GAREM1: variants seen among roughly 807,000 people sequenced by gnomAD.
GAREM1 encodes GRB2-associated and regulator of MAPK protein 1.
A neutral mutation model predicts 71.3 loss-of-function variants in GAREM1; 26 were observed. The observed-to-expected ratio is 0.36, with a 90% CI of 0.27 to 0.51. The LOEUF (loss-of-function observed/expected upper bound fraction) is 0.51. Ranked by LOEUF, GAREM1 falls within the 20% of genes least tolerant of loss-of-function variation. The probability of loss-of-function intolerance (pLI) is 0.95; values close to 1 mark genes in which losing one functional copy is unlikely to be tolerated. For missense variants in GAREM1, 1,026 were observed against 1,103.1 expected (o/e 0.93, Z 0.99); for synonymous variants, 440 against 433.2 (o/e 1.02, Z -0.20).
Position 32,363,995 on chromosome 18 carries a change from CATATAT to C in GAREM1, c.262+28894_262+28899del, listed in dbSNP as rs766095412. Among the ~76,000 whole-genome samples, 141 of 21,336 alleles carry C rather than the reference CATATAT, an allele frequency of 6.6e-3. 3 individuals are homozygous for C. Among genetic ancestry groups the C allele is most frequent in the East Asian group, 0.042 (15 of 360 alleles). 14.0% of individuals were successfully genotyped at this position (21,336 alleles called of 152,430 possible). On this transcript the variant is annotated intron_variant, in intron 2 of 5. Transcript: ENST00000269209. ...ACACAAATACATAAATACATATATA[CATATAT>C]ATATATATATATATATATATATATA...
At chr18:32,412,130 T>C (rs1247322477) in intron 1 of GAREM1, 5 of 974,920 alleles carry the variant, frequency 5.1e-6, no homozygotes, top group Non-Finnish European at 8.0e-6. Context: ...CCACTGTGCT[T>C]GGCTGAGTTC....
intron 2 of GAREM1, among the ~76,000 whole-genome samples, chr18:32,382,867 C>T (rs1445294308): frequency 2.0e-5 from 3 of 152,002 alleles, no homozygotes; most frequent in Non-Finnish European, 2.9e-5. Flanking sequence ...AGAACTGGGA[C>T]TCCCACACGA....
chr18:32,270,727 T>C (rs1258965046), intron 4 of GAREM1, among the ~76,000 whole-genome samples: 1 of 152,058 alleles, frequency 6.6e-6, no homozygotes, highest in Non-Finnish European at 1.5e-5. Flanking sequence ...AAAGAGGAAG[T>C]ATTAAGAAAA....
chr18:32,330,114 C>A (rs2047516980), intron 2 of GAREM1, among the ~76,000 whole-genome samples: 1 of 152,138 alleles, frequency 6.6e-6, no homozygotes. Flanking sequence ...CATAAGGGCC[C>A]ATCGATGATG....
intron 2 of GAREM1, among the ~76,000 whole-genome samples, chr18:32,345,057 G>C (rs1217287015): frequency 2.0e-5 from 3 of 152,110 alleles, no homozygotes; most frequent in Non-Finnish European, 4.4e-5. Flanking sequence ...GCAAGACTCA[G>C]TCTCGAAAAA....
At chr18:32,339,670 C>T (rs1213686393) in intron 2 of GAREM1, among the ~76,000 whole-genome samples, 1 of 152,242 alleles carries the variant, frequency 6.6e-6, no homozygotes, top group East Asian at 1.9e-4. Context: ...CGATGCCTTG[C>T]AGGTGTTTAA....
intron 2 of GAREM1, among the ~76,000 whole-genome samples, chr18:32,385,630 G>C (rs1201832312): frequency 6.6e-6 from 1 of 152,132 alleles, no homozygotes; most frequent in Non-Finnish European, 1.5e-5. Flanking sequence ...TACTGTGAAA[G>C]GAAGAAAAGT....
At chr18:32,345,741 C>G (rs938822739) in intron 2 of GAREM1, among the ~76,000 whole-genome samples, 1 of 152,140 alleles carries the variant, frequency 6.6e-6, no homozygotes, top group African/African-American at 2.4e-5. Flanking sequence ...GCAACTTGAC[C>G]TGGATCTGAG....
intron 1 of GAREM1, among the ~76,000 whole-genome samples, chr18:32,426,671 C>CA (rs1217265572): frequency 6.6e-6 from 1 of 152,114 alleles, no homozygotes; most frequent in Non-Finnish European, 1.5e-5. Context: ...TCAACTCCAC[C>CA]AATTTAATAT....
intron 2 of GAREM1, among the ~76,000 whole-genome samples, chr18:32,391,045 C>A (rs147381995): frequency 3.9e-5 from 6 of 152,248 alleles, no homozygotes; most frequent in East Asian, 1.9e-4. Flanking sequence ...ACTGTACAGT[C>A]CAACTGGTGA....
intron 2 of GAREM1, chr18:32,331,594 G>A (rs559752450): frequency 2.6e-5 from 4 of 152,264 alleles, no homozygotes; most frequent in East Asian, 1.9e-4. Flanking sequence ...AAATCACCCA[G>A]AAGACCGTGA....
At chr18:32,384,075 CCTTT>C (rs2048121823) in intron 2 of GAREM1, among the ~76,000 whole-genome samples, 1 of 152,024 alleles carries the variant, frequency 6.6e-6, no homozygotes, top group Non-Finnish European at 1.5e-5. Flanking sequence ...TTTAAAAGTT[CCTTT>C]ATTTCCAAGT....
chr18:32,326,196 C>T (rs1392003242), intron 2 of GAREM1, among the ~76,000 whole-genome samples: 1 of 152,152 alleles, frequency 6.6e-6, no homozygotes, highest in African/African-American at 2.4e-5. Context: ...GGGTGGCTCA[C>T]TGCCACCGGG....
chr18:32,338,892 T>C (rs1343845034), intron 2 of GAREM1, among the ~76,000 whole-genome samples: 2 of 152,156 alleles, frequency 1.3e-5, no homozygotes, highest in African/African-American at 2.4e-5. Context: ...TCAGTAGACT[T>C]TGAGTAAAGC....
At chr18:32,334,402 C>A (rs1269347324) in intron 2 of GAREM1, among the ~76,000 whole-genome samples, 2 of 151,918 alleles carry the variant, frequency 1.3e-5, no homozygotes, top group Non-Finnish European at 2.9e-5. Context: ...AAACTTCTCA[C>A]CTTACAGGAA....
intron 1 of GAREM1, among the ~76,000 whole-genome samples, chr18:32,453,753 C>T (rs2048863220): frequency 6.6e-6 from 1 of 152,148 alleles, no homozygotes; most frequent in Non-Finnish European, 1.5e-5. Flanking sequence ...TCGATGTGGA[C>T]AAATCTGCTG....
chr18:32,325,560 A>C (rs778179058), intron 2 of GAREM1, among the ~76,000 whole-genome samples: 9 of 152,186 alleles, frequency 5.9e-5, no homozygotes, highest in Non-Finnish European at 7.3e-5. Context: ...AAAAACAGAA[A>C]AAAGGAAGGC....
chr18:32,375,779 T>C (rs1034157795), intron 2 of GAREM1, among the ~76,000 whole-genome samples: 3 of 151,536 alleles, frequency 2.0e-5, no homozygotes, highest in Non-Finnish European at 4.4e-5. Context: ...CTACTTTATA[T>C]GGAATATAAT....
chr18:32,434,933 T>C (rs757034351), intron 1 of GAREM1, among the ~76,000 whole-genome samples: 4 of 152,122 alleles, frequency 2.6e-5, no homozygotes, highest in Non-Finnish European at 5.9e-5. Flanking sequence ...CCCTAACCGA[T>C]AAGGAAAGTT....
Sources: gnomAD v4.1 joint callset for allele counts (sites outside exome capture counted in the v4.1 genomes callset) on GRCh38, gnomAD v4.1.1 for gene constraint, MANE v1.5 for transcripts, NCBI Gene and HGNC (gene_info 2026-07-23, HGNC 2026-07-21) for gene names.